PCDH15: variants seen among roughly 807,000 people sequenced by gnomAD.
PCDH15 encodes the protein protocadherin related 15.
PCDH15 carries 129 observed loss-of-function variants against 178.5 expected under a neutral mutation model. The observed-to-expected ratio is 0.72, with a 90% CI of 0.63 to 0.84. The LOEUF (loss-of-function observed/expected upper bound fraction) is 0.84, where lower values mean the gene tolerates loss of function less well. PCDH15 is among the 40% of genes least tolerant of loss of function. The pLI, the probability that PCDH15 is intolerant of heterozygous loss-of-function variation, is 0.00. For synonymous variants in PCDH15, 800 were observed against 732.0 expected (o/e 1.09, Z -1.50); for missense variants, 2,230 against 2,099.9 (o/e 1.06, Z -1.21).
intron 1 of PCDH15, among the ~76,000 whole-genome samples, chr10:55,260,759 G>C (rs1418511727): frequency 6.6e-6 from 1 of 152,166 alleles, no homozygotes; most frequent in Admixed American, 6.5e-5. Flanking sequence ...CATCCTACCT[G>C]TAGGGCTTTT....
At chr10:54,058,409 G>A (rs1277495622) in intron 18 of PCDH15, among the ~76,000 whole-genome samples, 4 of 152,102 alleles carry the variant, frequency 2.6e-5, no homozygotes, top group Non-Finnish European at 5.9e-5. Context: ...CTTACATGGT[G>A]GTAGGAAAGA....
intron 1 of PCDH15, among the ~76,000 whole-genome samples, chr10:54,724,105 A>G (rs1942092089): frequency 6.6e-6 from 1 of 151,814 alleles, no homozygotes; most frequent in Admixed American, 6.6e-5. Context: ...TCAACACAAT[A>G]CTACTCATAA....
At chr10:55,397,404 C>T (rs933798024) in intron 2 of PCDH15, among the ~76,000 whole-genome samples, 1 of 152,138 alleles carries the variant, frequency 6.6e-6, no homozygotes, top group South Asian at 2.1e-4. Context: ...ATTAACGTCA[C>T]TCTTCTGTAA....
chr10:54,724,586 C>A lies in PCDH15; in HGVS notation c.-28-60296G>T, dbSNP rs375006621. Among the ~76,000 whole-genome samples, 36 of 151,322 alleles carry A rather than the reference C, an allele frequency of 2.4e-4. No homozygotes were observed. The East Asian group carries it at 6.0e-3, about 25-fold the overall frequency. ...AGCTGTAGAGAGTAGTATATCTTCACTGAAAAGTTATATGTTAATTTTGTA... is the reference window on the plus strand; with the variant it reads ...AGCTGTAGAGAGTAGTATATCTTCAATGAAAAGTTATATGTTAATTTTGTA... On this transcript the variant is annotated intron_variant, in intron 1 of 37. Coordinates refer to ENST00000644397, the MANE Select transcript of PCDH15 (RefSeq NM_001384140.1).
chr10:54,286,285 G>T (rs2059021572), intron 8 of PCDH15, among the ~76,000 whole-genome samples: 1 of 152,106 alleles, frequency 6.6e-6, no homozygotes, highest in Non-Finnish European at 1.5e-5. Context: ...ATAATGTATA[G>T]ATGTAGGAAA....
At chr10:54,329,031 G>A (rs1422063090) in intron 7 of PCDH15, among the ~76,000 whole-genome samples, 1 of 151,924 alleles carries the variant, frequency 6.6e-6, no homozygotes, top group African/African-American at 2.4e-5. Context: ...ATGTTTGGAT[G>A]TCCTGTTATT....
At chr10:54,692,814 T>C (rs969130231) in intron 1 of PCDH15, among the ~76,000 whole-genome samples, 1 of 152,046 alleles carries the variant, frequency 6.6e-6, no homozygotes, top group Non-Finnish European at 1.5e-5. Flanking sequence ...AATGAGAAAA[T>C]GATGCCACAT....
intron 2 of PCDH15, among the ~76,000 whole-genome samples, chr10:54,558,034 A>G (rs1178487967): frequency 2.0e-5 from 3 of 152,126 alleles, no homozygotes; most frequent in Non-Finnish European, 4.4e-5. Context: ...AACAAAAACA[A>G]ACAAACAAAC....
intron 32 of PCDH15, chr10:53,825,113 T>C: frequency 6.5e-7 from 1 of 1,535,000 alleles, no homozygotes; most frequent in Non-Finnish European, 8.8e-7. Flanking sequence ...CGCTCTTCTA[T>C]TAGAGTGATA....
chr10:55,216,125 G>A (rs141394043), intron 1 of PCDH15, among the ~76,000 whole-genome samples: 27 of 151,448 alleles, frequency 1.8e-4, no homozygotes, highest in African/African-American at 6.3e-4. Context: ...AAAAAATGAG[G>A]AAGCACATAT....
intron 3 of PCDH15, among the ~76,000 whole-genome samples, chr10:54,823,041 C>A (rs1016275616): frequency 1.3e-5 from 2 of 151,898 alleles, no homozygotes; most frequent in East Asian, 3.9e-4. Flanking sequence ...GCCACGACGT[C>A]CAGCTAATTT....
intron 2 of PCDH15, among the ~76,000 whole-genome samples, chr10:55,604,441 C>T (rs1382422138): frequency 6.6e-6 from 1 of 151,806 alleles, no homozygotes; most frequent in Admixed American, 6.6e-5. Flanking sequence ...ACGGAATATA[C>T]ATTTTTTTCA....
chr10:53,859,871 A>G (rs1251994385), intron 27 of PCDH15, among the ~76,000 whole-genome samples: 1 of 152,156 alleles, frequency 6.6e-6, no homozygotes, highest in Non-Finnish European at 1.5e-5. Context: ...CAGCAGCCTC[A>G]GAGGAAGACC....
intron 1 of PCDH15, among the ~76,000 whole-genome samples, chr10:55,202,129 C>T: frequency 6.6e-6 from 1 of 151,990 alleles, no homozygotes; most frequent in South Asian, 2.1e-4. Flanking sequence ...AAATTTTGAA[C>T]GGATGAAAGC....
chr10:54,271,588 A>G (rs2058051790), intron 8 of PCDH15, among the ~76,000 whole-genome samples: 1 of 152,148 alleles, frequency 6.6e-6, no homozygotes, highest in Non-Finnish European at 1.5e-5. Context: ...ACTTTTCCAT[A>G]GGCACAAGAT....
intron 20 of PCDH15, among the ~76,000 whole-genome samples, chr10:54,010,798 C>T (rs2092556153): frequency 6.6e-6 from 1 of 152,170 alleles, no homozygotes; most frequent in African/African-American, 2.4e-5. Flanking sequence ...CCCCACCTCT[C>T]ACTCTTTACC....
At chr10:54,253,508 G>T (rs1156954455) in intron 8 of PCDH15, among the ~76,000 whole-genome samples, 2 of 151,976 alleles carry the variant, frequency 1.3e-5, no homozygotes, top group African/African-American at 4.8e-5. Flanking sequence ...ATCCAGCATA[G>T]AGGACACATA....
intron 2 of PCDH15, among the ~76,000 whole-genome samples, chr10:54,985,332 T>C (rs998232499): frequency 6.6e-6 from 1 of 152,140 alleles, no homozygotes; most frequent in South Asian, 2.1e-4. Context: ...ATACAAATAT[T>C]TGTGTTTATA....
intron 2 of PCDH15, among the ~76,000 whole-genome samples, chr10:55,395,701 G>A (rs982228538): frequency 6.6e-5 from 10 of 151,924 alleles, no homozygotes; most frequent in African/African-American, 2.4e-4. Flanking sequence ...ATTAGCCTAT[G>A]AAGCCCAGCT....
Sources: gnomAD v4.1 joint callset for allele counts (sites outside exome capture counted in the v4.1 genomes callset) on GRCh38, gnomAD v4.1.1 for gene constraint, MANE v1.5 for transcripts, NCBI Gene and HGNC (gene_info 2026-07-23, HGNC 2026-07-21) for gene names.